CPAP: variants seen among roughly 807,000 people sequenced by gnomAD.
CPAP encodes the protein centrosome assembly and centriole elongation protein.
chr13:24,885,699 A>G, the CPAP span: 1 of 1,495,004 alleles, frequency 6.7e-7, no homozygotes, highest in African/African-American at 1.4e-5. Context: ...CAAGAGTTAG[A>G]TTTAATATTT....
At chr13:24,930,972 T>A in the CPAP span, among the ~76,000 whole-genome samples, 1 of 152,208 alleles carries the variant, frequency 6.6e-6, no homozygotes, top group Admixed American at 6.5e-5. Context: ...CTTGCCAGCA[T>A]ATGTTGTTCC....
chr13:24,923,079 A>G, the CPAP span, among the ~76,000 whole-genome samples: 1 of 152,332 alleles, frequency 6.6e-6, no homozygotes, highest in East Asian at 1.9e-4. Flanking sequence ...CGTTTCCGGG[A>G]GAGACCTTCC....
At chr13:24,896,612 G>A in the CPAP span, among the ~76,000 whole-genome samples, 3 of 152,190 alleles carry the variant, frequency 2.0e-5, no homozygotes, top group South Asian at 2.1e-4. Context: ...GAAAACCCAC[G>A]TTATTCATCT....
chr13:24,921,655 C>T, the CPAP span, among the ~76,000 whole-genome samples: 1 of 151,282 alleles, frequency 6.6e-6, no homozygotes, highest in Non-Finnish European at 1.5e-5. Context: ...AACCACGTAA[C>T]TTTGCTTAAT....
At chr13:24,927,565 T>C in the CPAP span, among the ~76,000 whole-genome samples, 1 of 152,320 alleles carries the variant, frequency 6.6e-6, no homozygotes, top group South Asian at 2.1e-4. Flanking sequence ...AAGACTGCTT[T>C]CATACTATTC....
At chr13:24,890,874 G>C in the CPAP span, among the ~76,000 whole-genome samples, 1 of 151,970 alleles carries the variant, frequency 6.6e-6, no homozygotes, top group Non-Finnish European at 1.5e-5. Flanking sequence ...CAAGTATGGT[G>C]CTTCTGCAAT....
At chr13:24,933,398 A>G in the CPAP span, 1 of 283,734 alleles carries the variant, frequency 3.5e-6, no homozygotes, top group East Asian at 6.2e-5. Context: ...GAGCACAGCC[A>G]AATATGAAAA....
chr13:24,913,041 CTA>C, the CPAP span: 5 of 1,608,358 alleles, frequency 3.1e-6, no homozygotes, highest in Non-Finnish European at 3.4e-6. Context: ...TCCAATGACA[CTA>C]TTATATTTAA....
At chr13:24,899,689 T>G in the CPAP span, 1 of 844,850 alleles carries the variant, frequency 1.2e-6, no homozygotes, top group Non-Finnish European at 2.0e-6. Context: ...GAATTCATCT[T>G]CAATCCATAG....
At chr13:24,887,345 CAGG>C in the CPAP span, among the ~76,000 whole-genome samples, 5 of 152,184 alleles carry the variant, frequency 3.3e-5, no homozygotes, top group South Asian at 6.2e-4. Flanking sequence ...GGCCACACAG[CAGG>C]AGATGAGCAG....
the CPAP span, chr13:24,884,368 A>G: frequency 1.9e-6 from 3 of 1,614,186 alleles, no homozygotes; most frequent in Non-Finnish European, 2.5e-6. Flanking sequence ...CATTAAAGAA[A>G]GTGACAGTGA....
chr13:24,927,612 C>T, the CPAP span, among the ~76,000 whole-genome samples: 6 of 152,316 alleles, frequency 3.9e-5, no homozygotes, highest in East Asian at 1.2e-3. Context: ...TTTACGTTTA[C>T]AATACCAGCT....
the CPAP span, chr13:24,933,160 A>T: frequency 6.7e-7 from 1 of 1,502,130 alleles, no homozygotes; most frequent in Non-Finnish European, 9.3e-7. Context: ...CATAAACTAC[A>T]GTGTGATAAA....
chr13:24,912,713 C>G, the CPAP span: 4 of 1,614,120 alleles, frequency 2.5e-6, no homozygotes, highest in Non-Finnish European at 3.4e-6. Flanking sequence ...ACCTGTGGTC[C>G]CTTTTTAATG....
the CPAP span, chr13:24,899,686 T>C: frequency 1.1e-6 from 1 of 869,588 alleles, no homozygotes; most frequent in Non-Finnish European, 1.9e-6. Flanking sequence ...AGTGAATTCA[T>C]CTTCAATCCA....
At chr13:24,914,907 T>C in the CPAP span, among the ~76,000 whole-genome samples, 6 of 152,046 alleles carry the variant, frequency 3.9e-5, no homozygotes, top group Admixed American at 3.9e-4. Flanking sequence ...ACCCCGTTTC[T>C]AATAAAAATA....
the CPAP span, among the ~76,000 whole-genome samples, chr13:24,891,194 C>T: frequency 6.6e-6 from 1 of 152,022 alleles, no homozygotes; most frequent in African/African-American, 2.4e-5. Flanking sequence ...TCACTCTCCT[C>T]CTTGCAGCCT....
chr13:24,905,405 T>G, the CPAP span: 1 of 1,614,176 alleles, frequency 6.2e-7, no homozygotes, highest in African/African-American at 1.3e-5. Flanking sequence ...TGAATCTGAC[T>G]TTGGTTTTGG....
At chr13:24,910,878 A>T in the CPAP span, among the ~76,000 whole-genome samples, 1,607 of 152,328 alleles carry the variant, frequency 0.011, 31 homozygotes, top group African/African-American at 0.038. Flanking sequence ...AAACATCCAA[A>T]TTCCCTAAAC....
Sources: allele counts gnomAD v4.1 joint callset (sites outside exome capture counted in the v4.1 genomes callset), GRCh38; gene constraint gnomAD v4.1.1; transcripts MANE v1.5; gene names NCBI Gene and HGNC (gene_info 2026-07-23, HGNC 2026-07-21).